Variants in PCDHA2 observed in about 807,000 individuals in gnomAD.
PCDHA2 encodes the protein protocadherin alpha-2.
In PCDHA2, 58 loss-of-function variants were observed where a neutral mutation model predicts 66.0. The observed-to-expected ratio is 0.88, with a 90% confidence interval of 0.71 to 1.09. The LOEUF (loss-of-function observed/expected upper bound fraction) is 1.09, where lower values mean the gene tolerates loss of function less well. Among genes scored for constraint, PCDHA2 ranks in the 50% least tolerant of loss-of-function variants. The pLI is 0.00. For missense variants in PCDHA2, 1,267 were observed against 1,242.3 expected (o/e 1.02, Z -0.30); for synonymous variants, 634 against 554.0 (o/e 1.14, Z -2.03).
intron 1 of PCDHA2, among the ~76,000 whole-genome samples, chr5:140,977,523 C>G (rs1393138256): frequency 2.0e-5 from 3 of 152,070 alleles, no homozygotes; most frequent in African/African-American, 7.2e-5. Flanking sequence ...AACTTGAAAA[C>G]AAAGGAGGAA....
chr5:140,968,588 A>G (rs1554230894), intron 1 of PCDHA2: 1 of 1,614,180 alleles, frequency 6.2e-7, no homozygotes, highest in South Asian at 1.1e-5. Flanking sequence ...CACCAAAGTC[A>G]TAGCTATGGA....
chr5:140,887,043 A>G (rs1459489169), intron 1 of PCDHA2, among the ~76,000 whole-genome samples: 1 of 151,986 alleles, frequency 6.6e-6, no homozygotes, highest in Admixed American at 6.6e-5. Context: ...TATTTTTTAT[A>G]GTGCATATGT....
At chr5:140,813,261 TG>T (rs1289054885) in intron 1 of PCDHA2, 11 of 152,182 alleles carry the variant, frequency 7.2e-5, no homozygotes, top group African/African-American at 2.7e-4. Context: ...CTACAGTCAT[TG>T]GAGATACATT....
intron 1 of PCDHA2, among the ~76,000 whole-genome samples, chr5:140,911,657 ACTC>A (rs782570659): frequency 1.1e-4 from 16 of 151,986 alleles, no homozygotes; most frequent in Non-Finnish European, 1.6e-4. Flanking sequence ...GAGTTACTAA[ACTC>A]CTTGCCTCTC....
chr5:140,967,066 C>T (rs782715200), intron 1 of PCDHA2: 4 of 1,612,790 alleles, frequency 2.5e-6, no homozygotes, highest in African/African-American at 1.3e-5. Flanking sequence ...GAGCGCTCTT[C>T]GTCAACGAGC....
At chr5:140,887,130 T>C (rs1164233833) in intron 1 of PCDHA2, among the ~76,000 whole-genome samples, 1 of 151,716 alleles carries the variant, frequency 6.6e-6, no homozygotes, top group African/African-American at 2.4e-5. Context: ...GGAGTCTCAC[T>C]CTGTCGCCCA....
intron 1 of PCDHA2, among the ~76,000 whole-genome samples, chr5:140,909,493 G>T (rs989826667): frequency 6.6e-6 from 1 of 152,184 alleles, no homozygotes; most frequent in African/African-American, 2.4e-5. Context: ...AGAGCTGAAC[G>T]GGGATGTGGT....
intron 1 of PCDHA2, chr5:140,842,531 T>G: frequency 6.2e-7 from 1 of 1,613,052 alleles, no homozygotes; most frequent in Non-Finnish European, 8.5e-7. Flanking sequence ...CTTCAAGAAT[T>G]ACTACTCGTT....
chr5:140,833,751 A>AAC (rs2150210782), intron 1 of PCDHA2, among the ~76,000 whole-genome samples: 78,872 of 151,236 alleles, frequency 0.52, 20,702 homozygotes, highest in Middle Eastern at 0.64. Flanking sequence ...CTAAAAAGAA[A>AAC]ACACACACAC....
intron 1 of PCDHA2, chr5:140,927,229 C>G (rs781833160): frequency 1.2e-6 from 2 of 1,614,008 alleles, no homozygotes; most frequent in African/African-American, 1.3e-5. Context: ...GATTCGGATT[C>G]ACGTCCTGGA....
intron 1 of PCDHA2, chr5:140,928,032 T>C (rs369075554): frequency 6.2e-7 from 1 of 1,614,216 alleles, no homozygotes; most frequent in African/African-American, 1.3e-5. Flanking sequence ...GTGGCATGTC[T>C]AGTGCAGGCC....
At chr5:140,828,080 G>A (rs2150150678) in intron 1 of PCDHA2, 4 of 1,580,098 alleles carry the variant, frequency 2.5e-6, no homozygotes, top group Non-Finnish European at 3.4e-6. Context: ...AATAAAACCA[G>A]AGGTATTTGA....
chr5:140,855,923 A>C (rs1424860955), intron 1 of PCDHA2: 25 of 1,229,030 alleles, frequency 2.0e-5, no homozygotes, highest in Non-Finnish European at 2.7e-5. Context: ...ACTAGGAAGT[A>C]GCGTCATTCT....
At chr5:140,821,965 C>G in intron 1 of PCDHA2, 2 of 1,614,158 alleles carry the variant, frequency 1.2e-6, no homozygotes, top group East Asian at 4.5e-5. Context: ...GCGCCTGTTC[C>G]GGGTGGCGTC....
intron 1 of PCDHA2, chr5:140,805,037 A>C (rs1399242913): frequency 2.4e-5 from 38 of 1,585,760 alleles, no homozygotes; most frequent in Non-Finnish European, 2.9e-5. Context: ...TAATAGAGTC[A>C]GCCAAAGTAC....
intron 1 of PCDHA2, chr5:140,867,633 T>C (rs1479252473): frequency 2.6e-5 from 4 of 152,136 alleles, no homozygotes; most frequent in Admixed American, 2.0e-4. Context: ...ATATTTAAGC[T>C]AGAGTGATAT....
At position 140,835,760 on chromosome 5, in the gene PCDHA2, G is replaced by A. The variant is rs2150244250; in HGVS notation, c.2388+38408G>A. On this transcript the variant is annotated intron_variant, in intron 1 of 3. Coordinates refer to ENST00000526136, the MANE Select transcript of PCDHA2 (RefSeq NM_018905.3). ...ACGCCCCGGCGTTCGCGCAGCCCGAGTATACGGTGTTCGTGAAGGAGAACA... is the reference window on the plus strand; with the variant it reads ...ACGCCCCGGCGTTCGCGCAGCCCGAATATACGGTGTTCGTGAAGGAGAACA... 15 of 1,613,420 alleles carry A rather than the reference G, an allele frequency of 9.3e-6. 1 individual carries two copies. The East Asian group carries it at 3.3e-4, about 36-fold the overall frequency.
At chr5:140,899,702 G>A (rs2067498720) in intron 1 of PCDHA2, among the ~76,000 whole-genome samples, 1 of 152,228 alleles carries the variant, frequency 6.6e-6, no homozygotes, top group African/African-American at 2.4e-5. Flanking sequence ...CATAAAATGA[G>A]TTAGGGAGGA....
At chr5:140,977,925 A>G (rs782072280) in intron 1 of PCDHA2, among the ~76,000 whole-genome samples, 8 of 152,152 alleles carry the variant, frequency 5.3e-5, no homozygotes, top group Non-Finnish European at 1.0e-4. Flanking sequence ...TTTTCATTCA[A>G]CTATACCTCA....
Sources: allele counts gnomAD v4.1 joint callset (sites outside exome capture counted in the v4.1 genomes callset), GRCh38; gene constraint gnomAD v4.1.1; transcripts MANE v1.5; gene names NCBI Gene and HGNC (gene_info 2026-07-23, HGNC 2026-07-21).